Variants in RAD52 observed in about 807,000 individuals in gnomAD.
The protein encoded by RAD52 is DNA repair protein RAD52 homolog.
Under a neutral mutation model 55.5 loss-of-function variants are expected in RAD52, and 47 were observed. The observed-to-expected ratio is 0.85, with a 90% CI of 0.67 to 1.08. The LOEUF is 1.08. RAD52 is among the 50% of genes least tolerant of loss of function. The pLI is 0.00. For synonymous variants in RAD52, 184 were observed against 198.9 expected, an observed-to-expected ratio of 0.92 and a Z score of 0.63; for missense variants, 468 against 522.8, an observed-to-expected ratio of 0.90 and a Z score of 1.02.
Position 967,582 on chromosome 12 carries a change from G to A in RAD52, c.-19+22227C>T, listed in dbSNP as rs116737427. Among the ~76,000 whole-genome samples the A allele has an allele frequency of 5.8e-3, 875 of 151,800 alleles. 15 individuals are homozygous for A. Among genetic ancestry groups the A allele is most frequent in the African/African-American group, 0.017 (711 of 41,252 alleles). Reference sequence around the variant, plus strand: ...TTTTATCACCTATATGCACATCCCTGCCTATGTCATTTAGTTTTACCTGTT... The same window carrying A: ...TTTTATCACCTATATGCACATCCCTACCTATGTCATTTAGTTTTACCTGTT... On this transcript the variant is annotated intron_variant, in intron 1 of 11. Coordinates refer to the RAD52 transcript ENST00000430095.
In RAD52 at chr12:916,718, G is replaced by C; in HGVS notation, c.646C>G (p.His216Asp). 6.2e-7 allele frequency: 1 copy of C among 1,614,118 alleles called. No individual in the cohort carries two copies. Among genetic ancestry groups the C allele is most frequent in the Middle Eastern group, 1.6e-4 (1 of 6,062 alleles). ...GAGGTCACCTGCTGCAGCTGTGGGT[G>C]TCCCAGGGCCATGTTCGGTCGGCAG... ...NSCRPNMALG[H>D]PQLQQVTSPS... Residue 216 changes from histidine (H) to aspartate (D), a missense_variant, in exon 8 of 12, where the codon CAC becomes GAC. Coordinates refer to ENST00000358495, the MANE Select transcript of RAD52 (RefSeq NM_134424.4).
At position 958,258 on chromosome 12, in the gene RAD52, C is replaced by T. The variant is rs149177446; in HGVS notation, c.-18-25182G>A. Among the ~76,000 whole-genome samples, 550 of 152,312 alleles carry T rather than the reference C, an allele frequency of 3.6e-3. 7 individuals are homozygous for T. In the Middle Eastern group the frequency reaches 0.044, roughly 12 times the overall value. Reference sequence around the variant, plus strand: ...GAGACAGGGTTTCGCTTTTGTCGCCCAGGCTGGAGTGCAATGGCCAGATCT... The same window carrying T: ...GAGACAGGGTTTCGCTTTTGTCGCCTAGGCTGGAGTGCAATGGCCAGATCT... On this transcript the variant is annotated intron_variant, in intron 1 of 11. Coordinates refer to the RAD52 transcript ENST00000430095.
At chr12:923,995 G>A (rs1445864655) in intron 7 of RAD52, among the ~76,000 whole-genome samples, 2 of 151,338 alleles carry the variant, frequency 1.3e-5, no homozygotes, top group African/African-American at 2.4e-5. Flanking sequence ...GGAGGCAGAG[G>A]TTGCAGTGAG....
upstream of RAD52, chr12:990,534 C>T (rs1335601728): frequency 6.6e-6 from 1 of 152,224 alleles, no homozygotes; most frequent in African/African-American, 2.4e-5. Context: ...CTAATTTCCG[C>T]CCACGCTCCC....
chr12:932,220 C>T (rs11571405), intron 2 of RAD52, among the ~76,000 whole-genome samples: 1,833 of 152,052 alleles, frequency 0.012, 36 homozygotes, highest in African/African-American at 0.042. Context: ...TAAGCCCGGG[C>T]GTGGTGGCTC....
intron 1 of RAD52, among the ~76,000 whole-genome samples, chr12:967,450 C>A (rs910630130): frequency 1.3e-5 from 2 of 151,716 alleles, no homozygotes; most frequent in South Asian, 2.1e-4. Flanking sequence ...TTACTGCCCA[C>A]GTAACCATCA....
At chr12:926,056 A>G (rs1327146333) in intron 6 of RAD52, among the ~76,000 whole-genome samples, 1 of 152,150 alleles carries the variant, frequency 6.6e-6, no homozygotes, top group Admixed American at 6.5e-5. Context: ...TCCAAATTTC[A>G]TGTTGAAACG....
At chr12:971,654 A>G (rs1182861269) in intron 1 of RAD52, among the ~76,000 whole-genome samples, 2 of 152,238 alleles carry the variant, frequency 1.3e-5, no homozygotes, top group Non-Finnish European at 2.9e-5. Context: ...AGTCTTTTCT[A>G]TAAAATTTGT....
intron 6 of RAD52, chr12:926,772 G>A (rs1006533825): frequency 6.5e-7 from 1 of 1,528,946 alleles, no homozygotes; most frequent in Non-Finnish European, 8.8e-7. Flanking sequence ...CTGCGTGACT[G>A]TGTAACTACG....
chr12:952,929 A>AAGGGG (rs1236390791), upstream of RAD52, among the ~76,000 whole-genome samples: 8 of 44,406 alleles, frequency 1.8e-4, no homozygotes, highest in Non-Finnish European at 3.4e-4. Context: ...AAGGGAGGGG[A>AAGGGG]AGGGGAGGGG....
chr12:913,070 GGAGCC>G lies in RAD52; in HGVS notation c.*316_*320del. The G allele has an allele frequency of 1.1e-5, 1 of 92,814 alleles. No homozygotes were observed. The highest frequency in any genetic ancestry group is 5.1e-5 in the African/African-American group (1 of 19,708). The allele number at this position is 92,814 out of a possible 1,614,324, so 5.7% of individuals were successfully genotyped here. A position where few individuals can be genotyped will look rare whatever the true frequency, so the allele number is the denominator to read the frequency against. ...TCTGGCCTATATTGCTTGAGGGCAA[GGAGCC>G]ATTGGTGATTCCTAAAATGTCCATC... On this transcript the variant is annotated 3_prime_UTR_variant, in exon 12 of 12. Transcript: ENST00000358495.
chr12:982,612 T>C (rs1349117116), intron 1 of RAD52, among the ~76,000 whole-genome samples: 1 of 151,946 alleles, frequency 6.6e-6, no homozygotes, highest in Non-Finnish European at 1.5e-5. Context: ...CAGAATCACC[T>C]TTATTCCTTA....
intron 3 of RAD52, among the ~76,000 whole-genome samples, 197 bp downstream of exon 3, chr12:931,023 C>G (rs1165439081): frequency 1.3e-5 from 2 of 151,788 alleles, no homozygotes; most frequent in Non-Finnish European, 2.9e-5. Context: ...GGCGGTTATG[C>G]GAGTGTCAAG....
At chr12:950,648 A>G (rs1958505383), upstream of RAD52, among the ~76,000 whole-genome samples, 1 of 151,552 alleles carries the variant, frequency 6.6e-6, no homozygotes, top group Non-Finnish European at 1.5e-5. Context: ...CCTCGCCTCA[A>G]GTGATCCTCT....
chr12:942,470 C>T lies in RAD52; in HGVS notation c.-19+7132G>A, dbSNP rs551175166. 5.3e-5 allele frequency among the ~76,000 whole-genome samples: 8 copies of T among 152,220 alleles called. No individual in the cohort carries two copies. In the South Asian group the frequency reaches 8.3e-4, roughly 16 times the overall value. On this transcript the variant is annotated intron_variant, in intron 1 of 11. Transcript: ENST00000358495. ...AACTAAAACTATAAAATTTATAGGC[C>T]GGGCACGGTGGCTCACGCCTATAAT...
At chr12:956,402 C>A (rs1958606732) in intron 1 of RAD52, among the ~76,000 whole-genome samples, 1 of 152,094 alleles carries the variant, frequency 6.6e-6, no homozygotes, top group Non-Finnish European at 1.5e-5. Flanking sequence ...TTGCATTGGG[C>A]CCCACAAATT....
intron 1 of RAD52, among the ~76,000 whole-genome samples, chr12:935,775 C>T (rs1957581605): frequency 6.6e-6 from 1 of 151,592 alleles, no homozygotes; most frequent in South Asian, 2.1e-4. Context: ...ATCGCTTGAA[C>T]CCGGAAGGCG....
At chr12:929,290 A>T (rs754274714) in intron 5 of RAD52, among the ~76,000 whole-genome samples, 2 of 152,212 alleles carry the variant, frequency 1.3e-5, no homozygotes, top group Non-Finnish European at 2.9e-5. Flanking sequence ...TGTTCATTGT[A>T]TTTCTTCAAA....
intron 1 of RAD52, among the ~76,000 whole-genome samples, chr12:981,332 C>G (rs1218612395): frequency 6.6e-6 from 1 of 150,744 alleles, no homozygotes; most frequent in Admixed American, 6.6e-5. Flanking sequence ...AACCCTATCT[C>G]AAAACAACAA....
Sources: gnomAD v4.1 joint callset for allele counts (sites outside exome capture counted in the v4.1 genomes callset) on GRCh38, gnomAD v4.1.1 for gene constraint, MANE v1.5 for transcripts, NCBI Gene and HGNC (gene_info 2026-07-23, HGNC 2026-07-21) for gene names.